RTF1: variants seen among roughly 807,000 people sequenced by gnomAD.
The protein encoded by RTF1 is RNA polymerase-associated protein RTF1 homolog.
In RTF1, 10 loss-of-function variants were observed where a neutral mutation model predicts 95.7. That is an observed-to-expected ratio of 0.10 (90% CI 0.06 to 0.18). The LOEUF is 0.18. RTF1 is among the 10% of genes least tolerant of loss of function. The pLI is 1.00. For missense variants in RTF1, 458 were observed against 875.6 expected, an observed-to-expected ratio of 0.52 and a Z score of 6.02; for synonymous variants, 305 against 311.8, an observed-to-expected ratio of 0.98 and a Z score of 0.23.
chr15:41,437,823 A>G (rs1394663262), intron 1 of RTF1, among the ~76,000 whole-genome samples: 2 of 152,212 alleles, frequency 1.3e-5, no homozygotes, highest in Admixed American at 1.3e-4. Context: ...GTTGTCACAG[A>G]CTGGATTAAA....
rs1052084074 is a variant in RTF1, at chr15:41,480,778, A to G, written c.*91A>G. The G allele has an allele frequency of 3.3e-6, 3 of 921,632 alleles. No homozygotes were observed. Among genetic ancestry groups the G allele is most frequent in the Non-Finnish European group, 3.5e-6 (2 of 566,214 alleles). The allele number at this position is 921,632 out of a possible 1,614,324, so 57.1% of individuals were successfully genotyped here. A position where few individuals can be genotyped will look rare whatever the true frequency, so the allele number is the denominator to read the frequency against. On this transcript the variant is annotated 3_prime_UTR_variant, in exon 18 of 18. Transcript: ENST00000389629. Reference sequence around the variant, plus strand: ...CTTTGATTTAGCCTCTTTGGGCTGGAGCAGCTGTTGAACTGGGAAGAGACT... The same window carrying G: ...CTTTGATTTAGCCTCTTTGGGCTGGGGCAGCTGTTGAACTGGGAAGAGACT...
chr15:41,436,392 T>A (rs1255610043), intron 1 of RTF1, among the ~76,000 whole-genome samples: 1 of 138,874 alleles, frequency 7.2e-6, no homozygotes, highest in African/African-American at 2.7e-5. Flanking sequence ...GGGAGGCCGA[T>A]CTTGCAGTGA....
intron 3 of RTF1, among the ~76,000 whole-genome samples, chr15:41,455,204 C>G (rs993311406): frequency 4.6e-5 from 7 of 151,718 alleles, no homozygotes; most frequent in Non-Finnish European, 2.9e-5. Flanking sequence ...ATCCCTAATA[C>G]TCTGGAGGCT....
intron 13 of RTF1, 71 bp downstream of exon 13, chr15:41,477,357 A>G: frequency 6.2e-7 from 1 of 1,613,190 alleles, no homozygotes; most frequent in Non-Finnish European, 8.5e-7. Context: ...TGGCCTGTAC[A>G]CTCTGTGCTG....
intron 2 of RTF1, among the ~76,000 whole-genome samples, chr15:41,446,827 G>C (rs1377966317): frequency 6.6e-6 from 1 of 150,452 alleles, no homozygotes; most frequent in Admixed American, 6.6e-5. Flanking sequence ...TTTTGAGACG[G>C]AGTCTCCCTC....
At chr15:41,459,004 G>A (rs757546959) in intron 4 of RTF1, among the ~76,000 whole-genome samples, 12 of 152,094 alleles carry the variant, frequency 7.9e-5, no homozygotes, top group African/African-American at 2.7e-4. Flanking sequence ...CCCAGGAGGC[G>A]GAGGTTGCAG....
At chr15:41,462,107 G>A (rs1221423750) in intron 4 of RTF1, among the ~76,000 whole-genome samples, 1 of 152,044 alleles carries the variant, frequency 6.6e-6, no homozygotes, top group African/African-American at 2.4e-5. Flanking sequence ...TGATTATTAA[G>A]ACAGAGGTTC....
At chr15:41,426,558 G>A (rs1424032729) in intron 1 of RTF1, among the ~76,000 whole-genome samples, 2 of 151,734 alleles carry the variant, frequency 1.3e-5, no homozygotes, top group Non-Finnish European at 2.9e-5. Flanking sequence ...GCCCACCTCG[G>A]CTTCCCGAAC....
At chr15:41,443,207 TTCTA>T (rs2050744435) in intron 2 of RTF1, among the ~76,000 whole-genome samples, 2 of 152,172 alleles carry the variant, frequency 1.3e-5, no homozygotes, top group African/African-American at 4.8e-5. Flanking sequence ...TCTGAAAGTT[TTCTA>T]TCCTGAAAAA....
At chr15:41,464,012 C>T (rs1472426330) in intron 4 of RTF1, among the ~76,000 whole-genome samples, 2 of 151,838 alleles carry the variant, frequency 1.3e-5, no homozygotes, top group Non-Finnish European at 2.9e-5. Flanking sequence ...CCACCATGCC[C>T]AGCTAATTTT....
chr15:41,417,224 C>G lies in RTF1; in HGVS notation c.109C>G (p.Arg37Gly). The G allele has an allele frequency of 7.9e-7, 1 of 1,259,716 alleles. No homozygotes were observed. Among genetic ancestry groups the G allele is most frequent in the Non-Finnish European group, 1.0e-6 (1 of 996,330 alleles). The allele number at this position is 1,259,716 out of a possible 1,614,324, so 78.0% of individuals were successfully genotyped here. A position where few individuals can be genotyped will look rare whatever the true frequency, so the allele number is the denominator to read the frequency against. ...GSPGGGRRGS[R>G]GTTMVKKRKG... Reference sequence around the variant, plus strand: ...TCCGGGCGGCGGCCGGCGTGGGAGCCGGGGGACCACCATGGTAAAGAAGCG... The same window carrying G: ...TCCGGGCGGCGGCCGGCGTGGGAGCGGGGGGACCACCATGGTAAAGAAGCG... Residue 37 changes from arginine (R) to glycine (G), a missense_variant, in exon 1 of 18, where the codon CGG becomes GGG. Arg to Gly is a moderately radical substitution (Grantham distance 125). Around this residue, in one of 11 missense-constraint regions of RTF1, gnomAD observed 81 missense variants for 59.9 expected, o/e 1.35. Coordinates refer to ENST00000389629, the MANE Select transcript of RTF1 (RefSeq NM_015138.5).
intron 6 of RTF1, among the ~76,000 whole-genome samples, chr15:41,468,474 C>T (rs991575720): frequency 3.9e-5 from 6 of 151,994 alleles, no homozygotes; most frequent in South Asian, 4.2e-4. Context: ...CCTGCCACCA[C>T]GCCCAGCTAA....
chr15:41,460,576 T>C (rs2050842512), intron 4 of RTF1, among the ~76,000 whole-genome samples: 1 of 152,174 alleles, frequency 6.6e-6, no homozygotes, highest in African/African-American at 2.4e-5. Flanking sequence ...GGCCAATAAG[T>C]CCTATGACAA....
chr15:41,465,502 G>A (rs1595437404), intron 5 of RTF1, among the ~76,000 whole-genome samples: 1 of 152,194 alleles, frequency 6.6e-6, no homozygotes, highest in Non-Finnish European at 1.5e-5. Context: ...TTAGCCTGGC[G>A]TGGTGGCTTA....
intron 16 of RTF1, among the ~76,000 whole-genome samples, chr15:41,479,715 T>A (rs1209338609): frequency 6.6e-6 from 1 of 151,516 alleles, no homozygotes; most frequent in African/African-American, 2.4e-5. Flanking sequence ...AGAAAAAAAA[T>A]AGCTGGGCAT....
intron 2 of RTF1, among the ~76,000 whole-genome samples, chr15:41,449,388 G>C (rs1171973180): frequency 6.6e-6 from 1 of 151,984 alleles, no homozygotes; most frequent in African/African-American, 2.4e-5. Flanking sequence ...CCGCCACCAT[G>C]CCCGGCTAAT....
Position 41,417,222 on chromosome 15 carries a change from G to A in RTF1, c.107G>A (p.Ser36Asn), listed in dbSNP as rs2050575753. Residue 36 changes from serine to asparagine, a missense_variant, in exon 1 of 18, where the codon AGC becomes AAC. By Grantham distance (46) the Ser-to-Asn change is conservative (BLOSUM62 1). Coordinates refer to ENST00000389629, the MANE Select transcript of RTF1 (RefSeq NM_015138.5). ...AGTCCGGGCGGCGGCCGGCGTGGGA[G>A]CCGGGGGACCACCATGGTAAAGAAG... ...EGSPGGGRRGSRGTTMVKKRK... is the reference protein window; with the variant it reads ...EGSPGGGRRGNRGTTMVKKRK... 7.9e-7 allele frequency: 1 copy of A among 1,260,812 alleles called. No individual in the cohort carries two copies. 78.1% of individuals were successfully genotyped at this position (1,260,812 alleles called of 1,614,324 possible).
intron 4 of RTF1, among the ~76,000 whole-genome samples, chr15:41,463,567 A>G (rs1313722513): frequency 6.6e-6 from 1 of 151,198 alleles, no homozygotes; most frequent in Non-Finnish European, 1.5e-5. Context: ...CTGCAGCCTC[A>G]ATCTCCTGGG....
rs58221683 is a variant in RTF1 at position 41,470,650 on chromosome 15, C to CTTTTTTTTTT, written c.1025+275_1025+284dup. On this transcript the variant is annotated intron_variant, in intron 7 of 17. Coordinates refer to ENST00000389629, the MANE Select transcript of RTF1 (RefSeq NM_015138.5). ...TTGGCCTGGAGCTTTCATTCATTTT[C>CTTTTTTTTTT]TTTTTTTTTTTTTTTTTTTTTTTTT... Among the ~76,000 whole-genome samples the CTTTTTTTTTT allele has an allele frequency of 2.3e-4, 17 of 75,444 alleles. 1 individual carries two copies. The highest frequency in any genetic ancestry group is 3.0e-4 in the African/African-American group (6 of 20,232). The allele number at this position is 75,444 out of a possible 152,430, so 49.5% of individuals were successfully genotyped here.
Sources: allele counts gnomAD v4.1 joint callset (sites outside exome capture counted in the v4.1 genomes callset), GRCh38; gene constraint gnomAD v4.1.1; regional missense constraint gnomAD v4.1.1; transcripts MANE v1.5; gene names NCBI Gene and HGNC (gene_info 2026-07-23, HGNC 2026-07-21).